Variants in SUSD6 observed in about 807,000 individuals in gnomAD.
SUSD6 encodes sushi domain-containing protein 6.
In SUSD6, 16 loss-of-function variants were observed where a neutral mutation model predicts 28.4. The observed-to-expected ratio is 0.56, with a 90% confidence interval of 0.38 to 0.86. The LOEUF is 0.86. Ranked by LOEUF, SUSD6 falls within the 40% of genes least tolerant of loss-of-function variation. The probability of loss-of-function intolerance (pLI) is 0.00; values close to 1 mark genes in which losing one functional copy is unlikely to be tolerated. For synonymous variants in SUSD6, 147 were observed against 159.6 expected (o/e 0.92, Z 0.59); for missense variants, 341 against 384.2 (o/e 0.89, Z 0.94).
chr14:69,642,148 G>T (rs1345577183), intron 1 of SUSD6, among the ~76,000 whole-genome samples: 1 of 152,088 alleles, frequency 6.6e-6, no homozygotes, highest in East Asian at 1.9e-4. Context: ...ACCTTGCTGG[G>T]TGCTGGAACT....
At chr14:69,623,209 T>C (rs1885066941) in intron 1 of SUSD6, among the ~76,000 whole-genome samples, 1 of 152,256 alleles carries the variant, frequency 6.6e-6, no homozygotes, top group African/African-American at 2.4e-5. Context: ...AAAGTCAGCA[T>C]GTATTTGTGT....
At chr14:69,649,604 G>C (rs1566594896) in intron 1 of SUSD6, among the ~76,000 whole-genome samples, 1 of 152,048 alleles carries the variant, frequency 6.6e-6, no homozygotes, top group Non-Finnish European at 1.5e-5. Flanking sequence ...CACTCGAGAA[G>C]TATTGTTGAG....
intron 1 of SUSD6, among the ~76,000 whole-genome samples, chr14:69,654,575 T>C (rs1008137754): frequency 2.6e-5 from 4 of 152,162 alleles, no homozygotes; most frequent in Non-Finnish European, 5.9e-5. Context: ...AATGGCAGTT[T>C]GTTGAGAGAG....
At chr14:69,692,077 G>A (rs962777286) in intron 2 of SUSD6, among the ~76,000 whole-genome samples, 1 of 151,068 alleles carries the variant, frequency 6.6e-6, no homozygotes, top group African/African-American at 2.4e-5. Context: ...GTTCTCAGCT[G>A]AAAATGCCTA....
intron 4 of SUSD6, among the ~76,000 whole-genome samples, chr14:69,707,257 C>A (rs1348772978): frequency 6.6e-6 from 1 of 151,938 alleles, no homozygotes; most frequent in Non-Finnish European, 1.5e-5. Flanking sequence ...AAAGGATACT[C>A]TTAGGAAGTA....
intron 1 of SUSD6, among the ~76,000 whole-genome samples, chr14:69,628,394 C>T (rs182665161): frequency 4.6e-5 from 7 of 152,330 alleles, no homozygotes; most frequent in African/African-American, 1.7e-4. Flanking sequence ...GTGCTTGCTA[C>T]AGAGATACTG....
chr14:69,693,215 C>T (rs1886177231), intron 2 of SUSD6, among the ~76,000 whole-genome samples: 2 of 152,136 alleles, frequency 1.3e-5, no homozygotes, highest in South Asian at 4.1e-4. Context: ...TAGCCCTGTA[C>T]CTGGAGCAGC....
intron 2 of SUSD6, among the ~76,000 whole-genome samples, chr14:69,661,633 AG>A (rs1178070158): frequency 6.6e-6 from 1 of 152,134 alleles, no homozygotes; most frequent in Non-Finnish European, 1.5e-5. Context: ...CTAGGGGAGT[AG>A]GTGCCCTTTC....
chr14:69,676,448 C>T (rs575716602), intron 2 of SUSD6, among the ~76,000 whole-genome samples: 3 of 151,802 alleles, frequency 2.0e-5, no homozygotes, highest in South Asian at 2.1e-4. Context: ...TGGGTAATCA[C>T]GGCTCATTGC....
At chr14:69,707,540 G>C (rs1475419089) in intron 4 of SUSD6, among the ~76,000 whole-genome samples, 5 of 152,170 alleles carry the variant, frequency 3.3e-5, no homozygotes, top group Admixed American at 2.0e-4. Context: ...AGGATTGCCT[G>C]AGCCCAGGAG....
At chr14:69,654,444 G>C (rs751060520) in intron 1 of SUSD6, among the ~76,000 whole-genome samples, 2 of 152,154 alleles carry the variant, frequency 1.3e-5, no homozygotes, top group Non-Finnish European at 2.9e-5. Context: ...TCATTTCTAC[G>C]TTGGAGGTGG....
chr14:69,617,668 T>C (rs1235513347), intron 1 of SUSD6: 1 of 152,258 alleles, frequency 6.6e-6, no homozygotes, highest in Non-Finnish European at 1.5e-5. Flanking sequence ...CTCATCTTTG[T>C]GTTTTATAGA....
intron 2 of SUSD6, among the ~76,000 whole-genome samples, chr14:69,702,812 G>C (rs1362890382): frequency 6.6e-6 from 1 of 152,158 alleles, no homozygotes; most frequent in African/African-American, 2.4e-5. Context: ...AGGCAGTCCT[G>C]TATATCAGTG....
chr14:69,628,375 T>G (rs1365093376), intron 1 of SUSD6, among the ~76,000 whole-genome samples: 2 of 152,226 alleles, frequency 1.3e-5, no homozygotes, highest in African/African-American at 4.8e-5. Flanking sequence ...ATGTTACTAA[T>G]GGGGCTGTGT....
intron 2 of SUSD6, among the ~76,000 whole-genome samples, chr14:69,661,580 A>G (rs973761993): frequency 2.6e-5 from 4 of 152,038 alleles, no homozygotes; most frequent in African/African-American, 9.7e-5. Flanking sequence ...GATCCTGTGT[A>G]CTAAGTTGCT....
chr14:69,702,932 G>C (rs1886332824), intron 2 of SUSD6, among the ~76,000 whole-genome samples: 2 of 152,260 alleles, frequency 1.3e-5, no homozygotes, highest in East Asian at 3.9e-4. Context: ...GAATCTATCA[G>C]AAATCCCCTC....
At chr14:69,654,790 G>GTTGTGTGTGTGTGTGTGT (rs1491558166) in intron 1 of SUSD6, among the ~76,000 whole-genome samples, 1 of 98,986 alleles carries the variant, frequency 1.0e-5, no homozygotes, top group African/African-American at 4.1e-5. Flanking sequence ...TTTTTTTTTT[G>GTTGTGTGTGTGTGTGTGT]GTGTGTGTGT....
intron 1 of SUSD6, among the ~76,000 whole-genome samples, chr14:69,639,550 A>G (rs1315630092): frequency 1.3e-5 from 2 of 152,134 alleles, no homozygotes; most frequent in East Asian, 3.9e-4. Flanking sequence ...GTTAGAGATG[A>G]GAGAATCACG....
chr14:69,612,677 G>A (rs10137013), intron 1 of SUSD6, among the ~76,000 whole-genome samples: 6,291 of 152,244 alleles, frequency 0.041, 453 homozygotes, highest in African/African-American at 0.14. Flanking sequence ...TCTGGGCAAG[G>A]AGGCCTAAAG....
Sources: allele counts gnomAD v4.1 joint callset (sites outside exome capture counted in the v4.1 genomes callset), GRCh38; gene constraint gnomAD v4.1.1; transcripts MANE v1.5; gene names NCBI Gene and HGNC (gene_info 2026-07-23, HGNC 2026-07-21).